Variants in CNBD1 observed in about 807,000 individuals in gnomAD.
CNBD1 encodes cyclic nucleotide-binding domain-containing protein 1.
CNBD1 carries 71 observed loss-of-function variants against 54.4 expected under a neutral mutation model. The ratio of observed to expected loss-of-function variants is 1.30; its 90% confidence interval spans 1.08 to 1.59. CNBD1 has a LOEUF of 1.59. CNBD1 is among the 40% of genes most tolerant of loss of function. CNBD1 has a pLI of 0.00. For missense variants in CNBD1, 659 were observed against 518.0 expected (o/e 1.27, Z -2.64); for synonymous variants, 182 against 170.7 (o/e 1.07, Z -0.51).
chr8:87,172,440 A>G (rs903430727), intron 4 of CNBD1, among the ~76,000 whole-genome samples: 1 of 151,960 alleles, frequency 6.6e-6, no homozygotes, highest in Non-Finnish European at 1.5e-5. Context: ...TTCTGTCTGG[A>G]AGATCTGTTC....
chr8:86,935,959 C>T (rs1809539502), intron 3 of CNBD1, among the ~76,000 whole-genome samples: 1 of 151,864 alleles, frequency 6.6e-6, no homozygotes, highest in African/African-American at 2.4e-5. Flanking sequence ...CTAACCTGGC[C>T]AACATGGCAA....
At chr8:86,986,931 G>T (rs1424202028) in intron 4 of CNBD1, among the ~76,000 whole-genome samples, 1 of 152,144 alleles carries the variant, frequency 6.6e-6, no homozygotes. Flanking sequence ...ATAGTTTGAA[G>T]TTGGGTAGTA....
At chr8:86,925,962 C>T (rs1809353398) in intron 3 of CNBD1, among the ~76,000 whole-genome samples, 1 of 152,042 alleles carries the variant, frequency 6.6e-6, no homozygotes. Context: ...GTAAAAGGAA[C>T]CCAAGTTGTT....
intron 4 of CNBD1, among the ~76,000 whole-genome samples, chr8:87,063,123 G>A (rs1049336259): frequency 1.3e-5 from 2 of 152,116 alleles, no homozygotes; most frequent in African/African-American, 4.8e-5. Flanking sequence ...TAGCCCACTT[G>A]GATGAAAGTA....
At chr8:86,923,963 C>T (rs1809317703) in intron 3 of CNBD1, among the ~76,000 whole-genome samples, 1 of 152,104 alleles carries the variant, frequency 6.6e-6, no homozygotes, top group African/African-American at 2.4e-5. Context: ...TGACCATATG[C>T]AATGAAGGGA....
At chr8:87,321,575 T>C (rs1011419337) in intron 8 of CNBD1, among the ~76,000 whole-genome samples, 12 of 152,184 alleles carry the variant, frequency 7.9e-5, no homozygotes, top group East Asian at 1.9e-4. Context: ...ATGTTCCTTA[T>C]ATATTTTGAA....
At chr8:86,882,338 A>G (rs1808617777) in intron 1 of CNBD1, among the ~76,000 whole-genome samples, 1 of 152,168 alleles carries the variant, frequency 6.6e-6, no homozygotes, top group South Asian at 2.1e-4. Flanking sequence ...AGAAAAAAAC[A>G]ACCGCATTAA....
At chr8:87,422,883 A>T (rs1243192155) in intron 2 of CNBD1, among the ~76,000 whole-genome samples, 1 of 152,078 alleles carries the variant, frequency 6.6e-6, no homozygotes. Flanking sequence ...CATTTTCACG[A>T]TACTGATTCT....
intron 6 of CNBD1, among the ~76,000 whole-genome samples, chr8:87,262,533 A>C (rs1351440748): frequency 3.9e-5 from 6 of 152,158 alleles, no homozygotes; most frequent in Non-Finnish European, 7.3e-5. Flanking sequence ...TGAATAAAAC[A>C]AAAAGGCAGA....
intron 2 of CNBD1, among the ~76,000 whole-genome samples, chr8:87,407,945 T>G (rs1212642354): frequency 1.3e-5 from 2 of 151,998 alleles, no homozygotes; most frequent in Non-Finnish European, 2.9e-5. Flanking sequence ...GTCTTCATGT[T>G]TTCATTAGAT....
chr8:86,963,085 C>T (rs761860705), intron 4 of CNBD1, among the ~76,000 whole-genome samples: 10 of 152,212 alleles, frequency 6.6e-5, no homozygotes, highest in Non-Finnish European at 5.9e-5. Context: ...AGCGAATACC[C>T]GGGGTATGTG....
Position 86,926,955 on chromosome 8 carries a change from A to G in CNBD1, c.273-12641A>G, listed in dbSNP as rs527327310. ...TAGACTTGAGCTTTGAGGGGCACTG[A>G]TAGGGTCTGATTTCCTGGGGCAATG... is the stretch of plus-strand genomic sequence containing the variant. On this transcript the variant is annotated intron_variant, in intron 3 of 10. Coordinates refer to ENST00000518476, the MANE Select transcript of CNBD1 (RefSeq NM_173538.3). Among the ~76,000 whole-genome samples the G allele has an allele frequency of 2.0e-5, 3 of 152,216 alleles. No individual in the cohort carries two copies. In the East Asian group the frequency reaches 5.8e-4, roughly 29 times the overall value.
chr8:87,319,016 A>G (rs898359867), intron 8 of CNBD1, among the ~76,000 whole-genome samples: 1 of 152,120 alleles, frequency 6.6e-6, no homozygotes, highest in South Asian at 2.1e-4. Flanking sequence ...AAAGAAGAGT[A>G]AATAAAATCA....
chr8:87,369,126 G>T (rs781199336), intron 10 of CNBD1, among the ~76,000 whole-genome samples: 2 of 151,772 alleles, frequency 1.3e-5, no homozygotes, highest in African/African-American at 2.4e-5. Flanking sequence ...AGCCATAATT[G>T]TATAAATTTT....
chr8:87,384,582 T>TA (rs552406799), downstream of CNBD1, among the ~76,000 whole-genome samples: 81 of 152,256 alleles, frequency 5.3e-4, no homozygotes, highest in African/African-American at 1.9e-3. Flanking sequence ...CATAAAGTCT[T>TA]AGTTCTTTAA....
At position 87,297,437 on chromosome 8, in the gene CNBD1, C is replaced by T. The variant is rs191024145; in HGVS notation, c.1042+10766C>T. 1.7e-3 allele frequency among the ~76,000 whole-genome samples: 255 copies of T among 152,198 alleles called. 1 individual carries two copies. Among genetic ancestry groups the T allele is most frequent in the African/African-American group, 5.7e-3 (237 of 41,528 alleles). On this transcript the variant is annotated intron_variant, in intron 8 of 10. Coordinates refer to ENST00000518476, the MANE Select transcript of CNBD1 (RefSeq NM_173538.3). ...TAGCACAGTCGTAGAACATGCAATA[C>T]TCTTTCTGATACTGTAAAACAGAAA...
chr8:86,977,749 G>T (rs1456072771), intron 4 of CNBD1, among the ~76,000 whole-genome samples: 1 of 151,974 alleles, frequency 6.6e-6, no homozygotes, highest in Non-Finnish European at 1.5e-5. Context: ...GGAATAAAAG[G>T]TCTGCTATCA....
chr8:87,053,446 ACC>A (rs1351645858), intron 4 of CNBD1, among the ~76,000 whole-genome samples: 1 of 152,114 alleles, frequency 6.6e-6, no homozygotes, highest in African/African-American at 2.4e-5. Flanking sequence ...ATGGTTTTTT[ACC>A]CATCTAGAAA....
intron 4 of CNBD1, among the ~76,000 whole-genome samples, chr8:87,120,362 G>C (rs1586270203): frequency 6.6e-6 from 1 of 151,900 alleles, no homozygotes; most frequent in South Asian, 2.1e-4. Context: ...TCAGTGTATA[G>C]TTGTTCATGA....
Sources: gnomAD v4.1 joint callset for allele counts (sites outside exome capture counted in the v4.1 genomes callset) on GRCh38, gnomAD v4.1.1 for gene constraint, MANE v1.5 for transcripts, NCBI Gene and HGNC (gene_info 2026-07-23, HGNC 2026-07-21) for gene names.